The following TNFSF13B variants were observed in gnomAD, a reference collection of about 807,000 sequenced individuals.
The protein encoded by TNFSF13B is tumor necrosis factor ligand superfamily member 13B.
In TNFSF13B, 8 loss-of-function variants were observed where a neutral mutation model predicts 29.1. The observed-to-expected ratio is 0.27, with a 90% CI of 0.16 to 0.50. The LOEUF (loss-of-function observed/expected upper bound fraction) is 0.50. Among genes scored for constraint, TNFSF13B ranks in the 20% least tolerant of loss-of-function variants. The pLI, the probability that TNFSF13B is intolerant of heterozygous loss-of-function variation, is 0.98. For missense variants in TNFSF13B, 248 were observed against 334.9 expected, an observed-to-expected ratio of 0.74 and a Z score of 2.03; for synonymous variants, 125 against 130.8, an observed-to-expected ratio of 0.96 and a Z score of 0.30.
In TNFSF13B at chr13:108,307,002, C is replaced by T; in HGVS notation, c.*64C>T. The T allele has an allele frequency of 7.5e-6, 1 of 133,878 alleles. No homozygotes were observed. The highest frequency in any genetic ancestry group is 6.9e-5 in the South Asian group (1 of 14,430). The allele number at this position is 133,878 out of a possible 1,614,324, so 8.3% of individuals were successfully genotyped here. ...CTCTGTACCTCTAAGAAGAAAGAAT[C>T]TAACTGAAAATACCAAAAAAAAAAA... On this transcript the variant is annotated 3_prime_UTR_variant, in exon 6 of 6. Coordinates refer to ENST00000375887, the MANE Select transcript of TNFSF13B (RefSeq NM_006573.5).
chr13:108,282,718 G>A (rs535714060), intron 2 of TNFSF13B, among the ~76,000 whole-genome samples: 42 of 151,842 alleles, frequency 2.8e-4, no homozygotes, highest in Non-Finnish European at 4.7e-4. Context: ...GCTGTAAAAC[G>A]GCATTTTATA....
chr13:108,276,669 G>A (rs189262828), intron 2 of TNFSF13B, among the ~76,000 whole-genome samples: 8 of 152,230 alleles, frequency 5.3e-5, no homozygotes, highest in East Asian at 1.9e-4. Context: ...GGGTGAGGAA[G>A]GGAAAGAAAT....
chr13:108,291,059 T>G (rs1340546030), intron 3 of TNFSF13B, among the ~76,000 whole-genome samples: 1 of 151,964 alleles, frequency 6.6e-6, no homozygotes, highest in Non-Finnish European at 1.5e-5. Context: ...TTAGTCTATG[T>G]TTTTTTCACT....
chr13:108,280,199 C>T (rs1312024902), intron 2 of TNFSF13B, among the ~76,000 whole-genome samples: 10 of 151,198 alleles, frequency 6.6e-5, no homozygotes, highest in Admixed American at 2.6e-4. Context: ...TTAAACCATT[C>T]GAACTTGATT....
chr13:108,271,505 A>C (rs1044004562), intron 2 of TNFSF13B, among the ~76,000 whole-genome samples: 1 of 151,010 alleles, frequency 6.6e-6, no homozygotes. Flanking sequence ...AGGTACCCTG[A>C]CTATAAACTT....
chr13:108,277,404 T>G (rs1460532359), intron 2 of TNFSF13B, among the ~76,000 whole-genome samples: 2 of 152,198 alleles, frequency 1.3e-5, no homozygotes, highest in Non-Finnish European at 2.9e-5. Flanking sequence ...ATTCCCATTG[T>G]TACAGGACCC....
At chr13:108,294,183 A>AT (rs111754666) in intron 3 of TNFSF13B, among the ~76,000 whole-genome samples, 33,335 of 143,928 alleles carry the variant, frequency 0.23, 4,375 homozygotes, top group East Asian at 0.45. Flanking sequence ...AAATTCATGG[A>AT]TTTTTTTTTT....
At chr13:108,302,815 G>A (rs1809313431) in intron 3 of TNFSF13B, 1 of 986,100 alleles carries the variant, frequency 1.0e-6, no homozygotes, top group African/African-American at 1.7e-5. Flanking sequence ...GGAATGGAGA[G>A]ATTTCTTCGT....
At chr13:108,289,639 T>C (rs917587782) in intron 3 of TNFSF13B, among the ~76,000 whole-genome samples, 1 of 148,192 alleles carries the variant, frequency 6.7e-6, no homozygotes, top group African/African-American at 2.4e-5. Context: ...AGAATTTATA[T>C]ATATAAATAT....
intron 3 of TNFSF13B, among the ~76,000 whole-genome samples, chr13:108,291,006 A>T (rs1229674414): frequency 6.6e-6 from 1 of 151,684 alleles, no homozygotes; most frequent in Non-Finnish European, 1.5e-5. Context: ...TCTTTTCCAG[A>T]CTGCTTGAAG....
chr13:108,276,634 G>A (rs917844577), intron 2 of TNFSF13B, among the ~76,000 whole-genome samples: 9 of 152,178 alleles, frequency 5.9e-5, no homozygotes, highest in African/African-American at 1.9e-4. Flanking sequence ...GGTTAGGGCA[G>A]GTGAATGAGT....
intron 3 of TNFSF13B, among the ~76,000 whole-genome samples, chr13:108,290,246 A>G (rs1881266959): frequency 6.6e-6 from 1 of 152,194 alleles, no homozygotes; most frequent in South Asian, 2.1e-4. Flanking sequence ...AAAAAGCAGC[A>G]TAGTATTCCA....
chr13:108,279,344 C>A (rs138675120), intron 2 of TNFSF13B, among the ~76,000 whole-genome samples: 13 of 152,124 alleles, frequency 8.5e-5, no homozygotes, highest in Admixed American at 7.9e-4. Context: ...AGATGATATG[C>A]AAAGTATAGT....
rs1265549251 is a variant in TNFSF13B, at chr13:108,297,873, A to G, written c.482-5380A>G. On this transcript the variant is annotated intron_variant, in intron 3 of 5. Coordinates refer to ENST00000375887, the MANE Select transcript of TNFSF13B (RefSeq NM_006573.5). ...GGTTCACCTTAATGTTTTACTTTCT[A>G]TAGGTTAGCACAAATGCATAATGGC... Among the ~76,000 whole-genome samples the G allele has an allele frequency of 1.4e-5, 2 of 145,746 alleles. 1 individual carries two copies. Among genetic ancestry groups the G allele is most frequent in the South Asian group, 4.3e-4 (2 of 4,682 alleles).
At chr13:108,290,713 G>A (rs929308785) in intron 3 of TNFSF13B, among the ~76,000 whole-genome samples, 1 of 151,568 alleles carries the variant, frequency 6.6e-6, no homozygotes, top group Non-Finnish European at 1.5e-5. Context: ...CTAATTGCAA[G>A]CATTTCCTCC....
chr13:108,270,552 G>T, intron 2 of TNFSF13B, 128 bp downstream of exon 2: 1 of 908,808 alleles, frequency 1.1e-6, no homozygotes, highest in Non-Finnish European at 1.7e-6. Flanking sequence ...GCCATCCAAA[G>T]CAGACATTGC....
At chr13:108,278,104 T>C (rs1880809064) in intron 2 of TNFSF13B, among the ~76,000 whole-genome samples, 2 of 152,226 alleles carry the variant, frequency 1.3e-5, no homozygotes. Flanking sequence ...AGAGGTAAGG[T>C]TTGAATTCAT....
rs769587763 is a variant in TNFSF13B, at chr13:108,306,783, G to A, written c.746-43G>A. 3.5e-6 allele frequency: 4 copies of A among 1,146,664 alleles called. No individual in the cohort carries two copies. The African/African-American group carries it at 4.8e-5, about 14-fold the overall frequency. 71.0% of individuals were successfully genotyped at this position (1,146,664 alleles called of 1,614,324 possible). A position where few individuals can be genotyped will look rare whatever the true frequency, so the allele number is the denominator to read the frequency against. ...TTTATTTAAGATTCTTTTCTTTTCT[G>A]TTGTATAACCACTTATAGTTCTTGT... On this transcript the variant is annotated intron_variant, in intron 5 of 5. Coordinates refer to ENST00000375887, the MANE Select transcript of TNFSF13B (RefSeq NM_006573.5).
chr13:108,306,793 C>A, intron 5 of TNFSF13B, 33 bp from the exon 6 acceptor site: 1 of 1,241,710 alleles, frequency 8.1e-7, no homozygotes, highest in Non-Finnish European at 1.2e-6. Context: ...GTTGTATAAC[C>A]ACTTATAGTT....
Sources: allele counts gnomAD v4.1 joint callset (sites outside exome capture counted in the v4.1 genomes callset), GRCh38; gene constraint gnomAD v4.1.1; transcripts MANE v1.5; gene names NCBI Gene and HGNC (gene_info 2026-07-23, HGNC 2026-07-21).